Variants in ATXN1 observed in about 807,000 individuals in gnomAD.
The protein encoded by ATXN1 is ataxin-1.
Under a neutral mutation model 56.4 loss-of-function variants are expected in ATXN1, and 8 were observed. The observed-to-expected ratio is 0.14, with a 90% CI of 0.08 to 0.26. The LOEUF (loss-of-function observed/expected upper bound fraction) is 0.26, where lower values mean the gene tolerates loss of function less well. Among genes scored for constraint, ATXN1 ranks in the 10% least tolerant of loss-of-function variants. ATXN1 has a pLI of 1.00. For synonymous variants in ATXN1, 514 were observed against 494.6 expected (o/e 1.04, Z -0.52); for missense variants, 987 against 1,106.5 (o/e 0.89, Z 1.53).
intron 2 of ATXN1, among the ~76,000 whole-genome samples, chr6:16,661,474 T>C (rs1472512247): frequency 6.6e-6 from 1 of 152,180 alleles, no homozygotes; most frequent in Non-Finnish European, 1.5e-5. Context: ...TTGTCAGGAA[T>C]AGACCATAAG....
chr6:16,546,055 A>C (rs915102261), intron 4 of ATXN1, among the ~76,000 whole-genome samples: 1 of 152,212 alleles, frequency 6.6e-6, no homozygotes, highest in Admixed American at 6.5e-5. Flanking sequence ...CAGAGTAGTG[A>C]GTCTGCTGCT....
At chr6:16,626,664 T>C (rs78842859) in intron 3 of ATXN1, among the ~76,000 whole-genome samples, 2,373 of 152,224 alleles carry the variant, frequency 0.016, 65 homozygotes, top group African/African-American at 0.054. Flanking sequence ...CTGAATTTTT[T>C]CCCCCCACAA....
chr6:16,385,692 C>T (rs1038083571), intron 6 of ATXN1, among the ~76,000 whole-genome samples: 3 of 152,222 alleles, frequency 2.0e-5, no homozygotes, highest in Non-Finnish European at 4.4e-5. Flanking sequence ...GCAGTAGGTA[C>T]TCGATACATA....
intron 4 of ATXN1, among the ~76,000 whole-genome samples, chr6:16,576,154 T>C (rs1762416744): frequency 6.6e-6 from 1 of 152,172 alleles, no homozygotes; most frequent in African/African-American, 2.4e-5. Flanking sequence ...AAATCCAATT[T>C]CATCGTTTTT....
intron 3 of ATXN1, among the ~76,000 whole-genome samples, chr6:16,649,721 T>C (rs1763861498): frequency 1.3e-5 from 2 of 152,234 alleles, no homozygotes; most frequent in Admixed American, 1.3e-4. Flanking sequence ...ACATTTTTAA[T>C]ATCTTACCTG....
At chr6:16,405,476 A>G (rs1046502296) in intron 6 of ATXN1, among the ~76,000 whole-genome samples, 1 of 152,180 alleles carries the variant, frequency 6.6e-6, no homozygotes, top group Non-Finnish European at 1.5e-5. Context: ...GTGGATGGCA[A>G]TGATCTGTGC....
chr6:16,465,855 T>C (rs531167919), intron 6 of ATXN1, among the ~76,000 whole-genome samples: 7 of 152,194 alleles, frequency 4.6e-5, no homozygotes, highest in African/African-American at 1.7e-4. Context: ...CCGGGCCACA[T>C]AAAGACATGA....
chr6:16,526,064 T>TACAC (rs1554113130), intron 4 of ATXN1, among the ~76,000 whole-genome samples: 283 of 132,492 alleles, frequency 2.1e-3, no homozygotes, highest in Middle Eastern at 3.9e-3. Context: ...TATATATATA[T>TACAC]ACATACATAC....
chr6:16,730,512 T>C (rs1005212783), intron 2 of ATXN1, among the ~76,000 whole-genome samples: 1 of 147,186 alleles, frequency 6.8e-6, no homozygotes, highest in African/African-American at 2.5e-5. Context: ...TATATAAATG[T>C]ATTTATACAT....
intron 2 of ATXN1, among the ~76,000 whole-genome samples, chr6:16,700,316 C>G (rs1305092153): frequency 6.6e-6 from 1 of 152,088 alleles, no homozygotes; most frequent in African/African-American, 2.4e-5. Context: ...ATCTGGGGTG[C>G]AGAAAAGATA....
rs562451345 is a variant in ATXN1 at position 16,430,279 on chromosome 6, A to G, written c.-161+55693T>C. On this transcript the variant is annotated intron_variant, in intron 6 of 7. Coordinates refer to ENST00000436367, the MANE Select transcript of ATXN1 (RefSeq NM_001128164.2). The stretch of plus-strand genomic sequence containing the variant: ...TTCCAGCAACTATTGGAATAAGGCT[A>G]TATGATTTGTGCAACAACAATGAAA... 2.6e-5 allele frequency among the ~76,000 whole-genome samples: 4 copies of G among 151,906 alleles called. No homozygotes were observed. The South Asian group carries it at 8.3e-4, about 32-fold the overall frequency.
At chr6:16,572,085 AT>A (rs1284447751) in intron 4 of ATXN1, among the ~76,000 whole-genome samples, 1 of 152,192 alleles carries the variant, frequency 6.6e-6, no homozygotes, top group Non-Finnish European at 1.5e-5. Flanking sequence ...TCATAAAGGT[AT>A]TTGAAGTTTA....
At chr6:16,689,888 C>T (rs909840785) in intron 2 of ATXN1, among the ~76,000 whole-genome samples, 4 of 151,998 alleles carry the variant, frequency 2.6e-5, no homozygotes, top group Admixed American at 1.3e-4. Context: ...CTAACTGAAA[C>T]GTCTGTACCG....
At position 16,306,666 on chromosome 6, in the gene ATXN1, G is replaced by C; in HGVS notation, c.2111C>G (p.Ala704Gly). ...CTTTGAGTGCTTCAGCAGGACGCTG[G>C]CGGGATCCACGGGCTGGCCCTTTTT... ...SVKKGQPVDP[A>G]SVLLKHSKAD... is the part of the protein sequence containing the mutation. The change falls in exon 8 of 8, where the codon GCC becomes GGC. Residue 704 changes from alanine (A) to glycine (G), a missense_variant. Transcript: ENST00000436367. The surrounding 1 kb of genome is among the most constrained non-coding windows in gnomAD (Gnocchi z 5.2). 6.2e-7 allele frequency: 1 copy of C among 1,614,204 alleles called. No individual in the cohort carries two copies. The highest frequency in any genetic ancestry group is 1.7e-5 in the Admixed American group (1 of 60,022).
chr6:16,533,073 T>C (rs1403389654), intron 4 of ATXN1, among the ~76,000 whole-genome samples: 1 of 152,242 alleles, frequency 6.6e-6, no homozygotes, highest in Non-Finnish European at 1.5e-5. Context: ...TGACACATGC[T>C]ACAACATGGA....
At chr6:16,583,060 T>C (rs541876402) in intron 4 of ATXN1, among the ~76,000 whole-genome samples, 39 of 152,322 alleles carry the variant, frequency 2.6e-4, no homozygotes, top group African/African-American at 9.1e-4. Context: ...ATAATATACA[T>C]GTGTGTATAA....
At chr6:16,630,890 C>A (rs189445707) in intron 3 of ATXN1, among the ~76,000 whole-genome samples, 5 of 152,284 alleles carry the variant, frequency 3.3e-5, no homozygotes. Flanking sequence ...GTAAATGGCT[C>A]ATGTGTCTGC....
At chr6:16,702,370 AC>A (rs1213424638) in intron 2 of ATXN1, among the ~76,000 whole-genome samples, 1 of 152,198 alleles carries the variant, frequency 6.6e-6, no homozygotes, top group Admixed American at 6.5e-5. Flanking sequence ...TAGACCTAAA[AC>A]CATAAAAACC....
intron 6 of ATXN1, among the ~76,000 whole-genome samples, chr6:16,442,724 CT>C (rs935148998): frequency 6.6e-6 from 1 of 152,152 alleles, no homozygotes; most frequent in Admixed American, 6.6e-5. Context: ...AACATTTTTA[CT>C]GGAAGGCTGG....
Sources: gnomAD v4.1 joint callset for allele counts (sites outside exome capture counted in the v4.1 genomes callset) on GRCh38, gnomAD v4.1.1 for gene constraint, Gnocchi (gnomAD v3.1) non-coding constraint, MANE v1.5 for transcripts, NCBI Gene and HGNC (gene_info 2026-07-23, HGNC 2026-07-21) for gene names.